Variants in XPO4 observed in about 807,000 individuals in gnomAD.
The protein encoded by XPO4 is exportin 4, also known as exportin-4.
A neutral mutation model predicts 143.0 loss-of-function variants in XPO4; 39 were observed. The ratio of observed to expected loss-of-function variants is 0.27; its 90% confidence interval spans 0.21 to 0.36. XPO4 has a LOEUF of 0.36. Among genes scored for constraint, XPO4 ranks in the 10% least tolerant of loss-of-function variants. The pLI is 1.00. For synonymous variants in XPO4, 439 were observed against 474.0 expected, an observed-to-expected ratio of 0.93 and a Z score of 0.96; for missense variants, 907 against 1,348.0, an observed-to-expected ratio of 0.67 and a Z score of 5.12.
intron 17 of XPO4, among the ~76,000 whole-genome samples, 168 bp from the exon 18 acceptor site, chr13:20,796,424 T>A (rs1342766150): frequency 1.3e-5 from 2 of 151,916 alleles, no homozygotes; most frequent in Non-Finnish European, 2.9e-5. Context: ...AAGAGTATAT[T>A]TTTTTTAATT....
intron 7 of XPO4, 135 bp from the exon 8 acceptor site, chr13:20,822,424 T>A: frequency 1.3e-6 from 1 of 775,728 alleles, no homozygotes; most frequent in Non-Finnish European, 2.0e-6. Context: ...TGAATTAAAC[T>A]AAATTGAAAA....
At chr13:20,830,966 T>C (rs546154655) in intron 6 of XPO4, among the ~76,000 whole-genome samples, 5 of 152,148 alleles carry the variant, frequency 3.3e-5, no homozygotes, top group Non-Finnish European at 5.9e-5. Flanking sequence ...TACACAAATC[T>C]GGACCATATC....
intron 1 of XPO4, among the ~76,000 whole-genome samples, chr13:20,900,522 T>C (rs2060610554): frequency 6.6e-6 from 1 of 152,198 alleles, no homozygotes; most frequent in South Asian, 2.1e-4. Context: ...ATTTGGAATA[T>C]AGCTTTCATA....
At chr13:20,836,488 T>A (rs1372765817) in intron 6 of XPO4, among the ~76,000 whole-genome samples, 4 of 152,186 alleles carry the variant, frequency 2.6e-5, no homozygotes, top group Non-Finnish European at 5.9e-5. Context: ...CTAAAGGTCC[T>A]GACATGGATC....
At chr13:20,808,368 G>T in intron 12 of XPO4, 68 bp downstream of exon 12, 1 of 1,416,274 alleles carries the variant, frequency 7.1e-7, no homozygotes, top group Admixed American at 2.2e-5. Flanking sequence ...TTTTCATATA[G>T]GAAGCTTCTT....
chr13:20,891,304 C>A (rs1187453609), intron 1 of XPO4, among the ~76,000 whole-genome samples: 1 of 152,002 alleles, frequency 6.6e-6, no homozygotes, highest in African/African-American at 2.4e-5. Context: ...TCCATCAGCA[C>A]AGAAAGTTCT....
intron 4 of XPO4, chr13:20,852,330 T>A (rs905613756): frequency 2.0e-6 from 2 of 985,304 alleles, no homozygotes; most frequent in Non-Finnish European, 2.4e-6. Context: ...ATTCAGGGCA[T>A]TGGGGGCAAG....
At chr13:20,837,972 T>G (rs1290645967) in intron 6 of XPO4, among the ~76,000 whole-genome samples, 1 of 151,910 alleles carries the variant, frequency 6.6e-6, no homozygotes, top group Non-Finnish European at 1.5e-5. Flanking sequence ...CATCATGAGG[T>G]TTTGCCATGT....
intron 2 of XPO4, among the ~76,000 whole-genome samples, chr13:20,867,850 C>G (rs2060258515): frequency 6.6e-6 from 1 of 152,020 alleles, no homozygotes; most frequent in Non-Finnish European, 1.5e-5. Flanking sequence ...AGATGGCTCC[C>G]ACTAAAAAAA....
chr13:20,902,457 C>T, intron 1 of XPO4: 1 of 985,414 alleles, frequency 1.0e-6, no homozygotes, highest in Non-Finnish European at 1.2e-6. Flanking sequence ...GCTGGGCAGC[C>T]AGGGGAAGGG....
chr13:20,822,289 C>A lies in XPO4; in HGVS notation c.841G>T (p.Val281Leu). The part of the protein sequence containing the change: ...DSRVMELFFT[V>L]HRKIREDSDM... The stretch of plus-strand genomic sequence containing the variant: ...GAATCTTCTCTGATTTTTCGATGTA[C>A]CTGTTAGAAAGAATTACTAATCCAT... The change falls in exon 8 of 23, where the codon GTA becomes TTA. Residue 281 changes from valine (V) to leucine (L), a missense_variant and splice_region_variant. Coordinates refer to ENST00000255305, the MANE Select transcript of XPO4 (RefSeq NM_022459.5). The A allele has an allele frequency of 6.2e-7, 1 of 1,610,464 alleles. No individual in the cohort carries two copies.
chr13:20,845,687 GATTA>G (rs1387365483), intron 4 of XPO4, among the ~76,000 whole-genome samples: 2 of 152,138 alleles, frequency 1.3e-5, no homozygotes, highest in African/African-American at 2.4e-5. Context: ...CTTTTAAAAT[GATTA>G]ATGATTATAG....
rs2141465288 is a variant in XPO4 at position 20,783,415 on chromosome 13, C to T, written c.*307G>A. On this transcript the variant is annotated 3_prime_UTR_variant, in exon 23 of 23. Transcript: ENST00000255305. ...ACCTATGTTAAAAGGAAAAAAGGCACTGCATATGTATTTCGTGGTGCCCAT... is the reference window on the plus strand; with the variant it reads ...ACCTATGTTAAAAGGAAAAAAGGCATTGCATATGTATTTCGTGGTGCCCAT... 3.0e-6 allele frequency: 1 copy of T among 332,990 alleles called. No homozygotes were observed. Among genetic ancestry groups the T allele is most frequent in the East Asian group, 6.3e-5 (1 of 15,960 alleles). 20.6% of individuals were successfully genotyped at this position (332,990 alleles called of 1,614,324 possible).
intron 4 of XPO4, among the ~76,000 whole-genome samples, chr13:20,847,496 G>A (rs1481873111): frequency 5.3e-5 from 8 of 152,156 alleles, no homozygotes; most frequent in Admixed American, 5.2e-4. Context: ...GCCTAAAGGA[G>A]ATCACCAGCT....
intron 3 of XPO4, chr13:20,856,266 C>T: frequency 2.9e-5 from 27 of 917,138 alleles, no homozygotes; most frequent in Non-Finnish European, 3.5e-5. Flanking sequence ...TGTGAAAAGG[C>T]AACATACTAG....
At chr13:20,862,971 GTTC>G (rs1183013926) in intron 2 of XPO4, 113 bp from the exon 3 acceptor site, 2 of 1,511,872 alleles carry the variant, frequency 1.3e-6, no homozygotes, top group East Asian at 4.6e-5. Context: ...ATGGTTACCT[GTTC>G]TTTTTTTTAT....
intron 16 of XPO4, among the ~76,000 whole-genome samples, chr13:20,797,620 G>A (rs1264104082): frequency 2.6e-5 from 4 of 152,068 alleles, no homozygotes; most frequent in Non-Finnish European, 5.9e-5. Context: ...AGTCAGTCTG[G>A]TTTCCCCTGG....
At chr13:20,871,207 A>G (rs1035058167) in intron 1 of XPO4, among the ~76,000 whole-genome samples, 2 of 151,202 alleles carry the variant, frequency 1.3e-5, no homozygotes, top group Non-Finnish European at 3.0e-5. Flanking sequence ...CTGAGACGGA[A>G]TCTCACTCTG....
At chr13:20,836,705 T>C (rs1478332052) in intron 6 of XPO4, among the ~76,000 whole-genome samples, 5 of 152,326 alleles carry the variant, frequency 3.3e-5, no homozygotes, top group African/African-American at 9.6e-5. Context: ...ATTTACCCAC[T>C]GAGTGTACAG....
Sources: gnomAD v4.1 joint callset for allele counts (sites outside exome capture counted in the v4.1 genomes callset) on GRCh38, gnomAD v4.1.1 for gene constraint, MANE v1.5 for transcripts, NCBI Gene and HGNC (gene_info 2026-07-23, HGNC 2026-07-21) for gene names.